Variants in DNMBP observed in about 807,000 individuals in gnomAD.
DNMBP encodes dynamin-binding protein.
In DNMBP, 87 loss-of-function variants were observed where a neutral mutation model predicts 150.0. That is an observed-to-expected ratio of 0.58 (90% CI 0.49 to 0.69). DNMBP has a LOEUF of 0.69. Among genes scored for constraint, DNMBP ranks in the 30% least tolerant of loss-of-function variants. The probability of loss-of-function intolerance (pLI) is 0.00; values close to 1 mark genes in which losing one functional copy is unlikely to be tolerated. For synonymous variants in DNMBP, 711 were observed against 750.4 expected (o/e 0.95, Z 0.86); for missense variants, 1,774 against 1,949.0 (o/e 0.91, Z 1.69).
intron 4 of DNMBP, among the ~76,000 whole-genome samples, chr10:99,941,090 G>A (rs2040294139): frequency 6.6e-6 from 1 of 152,070 alleles, no homozygotes; most frequent in Non-Finnish European, 1.5e-5. Flanking sequence ...TCACCATGTT[G>A]GTCCGGATGG....
intron 1 of DNMBP, among the ~76,000 whole-genome samples, chr10:99,973,192 A>G (rs1024927817): frequency 6.6e-6 from 1 of 152,134 alleles, no homozygotes; most frequent in African/African-American, 2.4e-5. Context: ...TGGCCTCCCA[A>G]AGTGTTGGGA....
intron 1 of DNMBP, among the ~76,000 whole-genome samples, chr10:100,008,100 G>T (rs2041094799): frequency 6.6e-6 from 1 of 152,196 alleles, no homozygotes; most frequent in African/African-American, 2.4e-5. Context: ...CCAAAAGCCA[G>T]GCTCGGTGGC....
At chr10:99,996,216 A>T (rs2040950157) in intron 1 of DNMBP, among the ~76,000 whole-genome samples, 2 of 152,230 alleles carry the variant, frequency 1.3e-5, no homozygotes, top group Non-Finnish European at 1.5e-5. Flanking sequence ...ACGTTTGAAC[A>T]TGTTGGTAAA....
Position 99,876,797 on chromosome 10 carries a change from A to G in DNMBP, c.*354T>C, listed in dbSNP as rs190571981. ...ACCCCAAACGCCGTACAGCACAACC[A>G]TTACCAACACTGTCTATTGCTAGAG... is the stretch of plus-strand genomic sequence containing the variant. On this transcript the variant is annotated 3_prime_UTR_variant, in exon 17 of 17. Coordinates refer to ENST00000324109, the MANE Select transcript of DNMBP (RefSeq NM_015221.4). 6.1e-5 allele frequency: 11 copies of G among 180,210 alleles called. No homozygotes were observed. The highest frequency in any genetic ancestry group is 3.1e-4 in the Admixed American group (5 of 15,958). The allele number at this position is 180,210 out of a possible 1,614,324, so 11.2% of individuals were successfully genotyped here. A position where few individuals can be genotyped will look rare whatever the true frequency, so the allele number is the denominator to read the frequency against.
intron 4 of DNMBP, among the ~76,000 whole-genome samples, chr10:99,949,006 A>G (rs186952456): frequency 6.7e-6 from 1 of 149,214 alleles, no homozygotes; most frequent in African/African-American, 2.4e-5. Context: ...ATAAATAAAT[A>G]AATAAATGCA....
chr10:99,902,867 G>A (rs1351183215), intron 6 of DNMBP, among the ~76,000 whole-genome samples: 1 of 151,384 alleles, frequency 6.6e-6, no homozygotes, highest in East Asian at 2.0e-4. Flanking sequence ...GGCAGAGGTT[G>A]TAGTGAGCAG....
intron 2 of DNMBP, among the ~76,000 whole-genome samples, chr10:99,969,933 T>C (rs547186672): frequency 6.6e-6 from 1 of 152,306 alleles, no homozygotes; most frequent in Non-Finnish European, 1.5e-5. Context: ...TTTTCTAAAA[T>C]TCAAATCTGA....
At chr10:99,953,346 A>G (rs1202084607) in intron 4 of DNMBP, among the ~76,000 whole-genome samples, 2 of 151,516 alleles carry the variant, frequency 1.3e-5, no homozygotes, top group Admixed American at 1.3e-4. Flanking sequence ...TGATCCTCCT[A>G]CGTCGGCCTC....
rs116416774 is a variant in DNMBP at position 99,950,623 on chromosome 10, T to C, written c.2260+4591A>G. 6.7e-3 allele frequency among the ~76,000 whole-genome samples: 1,016 copies of C among 152,248 alleles called. 11 individuals carry two copies. Among genetic ancestry groups the C allele is most frequent in the African/African-American group, 0.023 (972 of 41,560 alleles). On this transcript the variant is annotated intron_variant, in intron 4 of 16. Transcript: ENST00000324109. The stretch of plus-strand genomic sequence containing the variant: ...TGTTGGGAACTGGACCAAAAGTGAC[T>C]CTTGTTATATTTTAGCAAAGAGACT...
At chr10:100,009,724 G>A (rs977852586) in intron 1 of DNMBP, 114 bp downstream of exon 1, 1 of 150,768 alleles carries the variant, frequency 6.6e-6, no homozygotes, top group African/African-American at 2.4e-5. Context: ...CTAGCCGCGC[G>A]GCGCGGCGCG....
chr10:99,994,313 G>A (rs2040928856), intron 1 of DNMBP, among the ~76,000 whole-genome samples: 1 of 152,112 alleles, frequency 6.6e-6, no homozygotes. Flanking sequence ...TGATAATGTA[G>A]GTAAAACATT....
At chr10:99,935,449 C>T (rs955245931) in intron 4 of DNMBP, among the ~76,000 whole-genome samples, 1 of 152,000 alleles carries the variant, frequency 6.6e-6, no homozygotes, top group Non-Finnish European at 1.5e-5. Flanking sequence ...TGCAGTGGTC[C>T]GATCATAGTT....
At chr10:99,967,668 GGTGTGT>G (rs140839578) in intron 3 of DNMBP, among the ~76,000 whole-genome samples, 44 of 145,638 alleles carry the variant, frequency 3.0e-4, no homozygotes, top group African/African-American at 9.3e-4. Flanking sequence ...GGTTTTTCTG[GGTGTGT>G]GTGTGTGTGT....
rs186277017 is a variant in DNMBP at position 99,885,217 on chromosome 10, C to G, written c.3798+470G>C. On this transcript the variant is annotated intron_variant, in intron 14 of 16. Transcript: ENST00000324109. ...TTAATACTGGGTTAATCCCCTCCCC[C>G]CCACAAAAAAAGCCTGGGGATGGTG... 6.6e-3 allele frequency among the ~76,000 whole-genome samples: 997 copies of G among 151,968 alleles called. 12 individuals carry two copies. The highest frequency in any genetic ancestry group is 0.023 in the African/African-American group (953 of 41,500).
At position 99,972,101 on chromosome 10, in the gene DNMBP, T is replaced by C. The variant is rs750059432; in HGVS notation, c.24A>G (p.Arg8=). 5 of 1,613,460 alleles carry C rather than the reference T, an allele frequency of 3.1e-6. No individual in the cohort carries two copies. The highest frequency in any genetic ancestry group is 4.2e-6 in the Non-Finnish European group (5 of 1,179,850). Residue 8 remains arginine, a synonymous_variant, in exon 2 of 17, where the codon CGA becomes CGG. Transcript: ENST00000324109. MEAGSVV[R]AIFDFCPSVS... ...CGCTAGGGCAGAAGTCAAAAATGGC[T>C]CGAACCACTGAGCCAGCCTCCATGT...
intron 4 of DNMBP, among the ~76,000 whole-genome samples, chr10:99,921,732 G>C (rs1275025760): frequency 6.6e-6 from 1 of 151,536 alleles, no homozygotes; most frequent in African/African-American, 2.4e-5. Context: ...GGGTGTGATG[G>C]TACATGCCTA....
rs1428174106 is a variant in DNMBP at position 99,895,035 on chromosome 10, A to C, written c.3067T>G (p.Phe1023Val). 3 of 1,606,794 alleles carry C rather than the reference A, an allele frequency of 1.9e-6. No individual in the cohort carries two copies. Among genetic ancestry groups the C allele is most frequent in the Non-Finnish European group, 2.6e-6 (3 of 1,174,394 alleles). Residue 1023 changes from phenylalanine (F) to valine (V), a missense_variant, in exon 11 of 17, where the codon TTT becomes GTT. Phe to Val is a conservative substitution (Grantham distance 50). Around this residue, in one of 2 missense-constraint regions of DNMBP, gnomAD observed 1,430 missense variants for 1,492.5 expected, o/e 0.96. Coordinates refer to ENST00000324109, the MANE Select transcript of DNMBP (RefSeq NM_015221.4). ...GFAPQIKDEV[F>V]EETEKNFRMQ... The stretch of plus-strand genomic sequence containing the variant: ...CGGAAGTTTTTTTCTGTTTCTTCAA[A>C]TACTTCATCTTTTATCTGTTCAAAA...
At chr10:99,963,487 T>C (rs542221477) in intron 3 of DNMBP, among the ~76,000 whole-genome samples, 2 of 152,066 alleles carry the variant, frequency 1.3e-5, no homozygotes, top group Admixed American at 6.6e-5. Flanking sequence ...ACGGATCACT[T>C]TTTCCATTAG....
chr10:99,987,464 T>C (rs1470989016), intron 1 of DNMBP, among the ~76,000 whole-genome samples: 1 of 152,202 alleles, frequency 6.6e-6, no homozygotes, highest in Non-Finnish European at 1.5e-5. Flanking sequence ...CTGGGTGCAG[T>C]GGTTCACGCC....
Sources: allele counts gnomAD v4.1 joint callset (sites outside exome capture counted in the v4.1 genomes callset), GRCh38; gene constraint gnomAD v4.1.1; regional missense constraint gnomAD v4.1.1; transcripts MANE v1.5; gene names NCBI Gene and HGNC (gene_info 2026-07-23, HGNC 2026-07-21).